KAT6B: variants seen among roughly 807,000 people sequenced by gnomAD.
The protein encoded by KAT6B is lysine acetyltransferase 6B.
A neutral mutation model predicts 187.5 loss-of-function variants in KAT6B; 10 were observed. That is an observed-to-expected ratio of 0.05 (90% CI 0.03 to 0.09). The LOEUF is 0.09. Ranked by LOEUF, KAT6B falls within the 10% of genes least tolerant of loss-of-function variation. KAT6B has a pLI of 1.00. For synonymous variants in KAT6B, 861 were observed against 926.8 expected, an observed-to-expected ratio of 0.93 and a Z score of 1.29; for missense variants, 1,952 against 2,558.9, an observed-to-expected ratio of 0.76 and a Z score of 5.12.
In KAT6B at chr10:75,030,503, G is replaced by A. The variant is rs370977553; in HGVS notation, c.5679G>A (p.Pro1893=). Residue 1893 remains proline (P), a synonymous_variant, in exon 18 of 18, where the codon CCG becomes CCA. Coordinates refer to ENST00000287239, the MANE Select transcript of KAT6B (RefSeq NM_012330.4). The surrounding 1 kb of genome is among the most constrained non-coding windows in gnomAD (Gnocchi z 4.8). The part of the protein sequence containing the change: ...NLTPPPMNLP[P]PLLQRNMAAS... ...CTCCTCCTCCAATGAATCTGCCGCC[G>A]CCTCTTTTGCAACGGAACATGGCTG... The A allele has an allele frequency of 7.4e-5, 119 of 1,611,086 alleles. 1 individual carries two copies. The highest frequency in any genetic ancestry group is 6.6e-4 in the Middle Eastern group (4 of 6,048).
At chr10:74,882,592 G>A (rs931818875) in intron 3 of KAT6B, among the ~76,000 whole-genome samples, 15 of 152,170 alleles carry the variant, frequency 9.9e-5, no homozygotes, top group Admixed American at 3.3e-4. Context: ...CATGGGCCAC[G>A]TTTTTCCAGA....
intron 13 of KAT6B, among the ~76,000 whole-genome samples, chr10:74,995,868 C>T (rs907626125): frequency 2.6e-5 from 4 of 152,234 alleles, no homozygotes; most frequent in African/African-American, 9.6e-5. Context: ...TGTTAGGACT[C>T]TGTTTGGCTA....
rs751307649 is a variant in KAT6B at position 75,029,041 on chromosome 10, A to G, written c.4217A>G (p.Asp1406Gly). ...GAAAAAGAAGACTCTGCACGTTTGG[A>G]TGATCACGAAGAGGAGGAGGAAGAG... Reference protein sequence around the residue: ...STEKEDSARLDDHEEEEEEDE... With the variant: ...STEKEDSARLGDHEEEEEEDE... Residue 1406 changes from aspartate (D) to glycine (G), a missense_variant, in exon 18 of 18, where the codon GAT becomes GGT. Asp to Gly is a moderately conservative substitution (Grantham distance 94). Transcript: ENST00000287239. This position sits in a 1 kb window ranked among gnomAD's most constrained non-coding sequence, Gnocchi z 6.2. 1.2e-6 allele frequency: 2 copies of G among 1,614,168 alleles called. No individual in the cohort carries two copies. Among genetic ancestry groups the G allele is most frequent in the Non-Finnish European group, 1.7e-6 (2 of 1,180,032 alleles).
At chr10:74,845,650 C>T (rs12268111) in intron 3 of KAT6B, among the ~76,000 whole-genome samples, 3,505 of 151,432 alleles carry the variant, frequency 0.023, 133 homozygotes, top group African/African-American at 0.08. Context: ...GTGTATGCCA[C>T]CATGCCCAGC....
chr10:74,826,938 G>A (rs1840294084), intron 1 of KAT6B, among the ~76,000 whole-genome samples, 153 bp downstream of exon 1: 1 of 150,084 alleles, frequency 6.7e-6, no homozygotes, highest in South Asian at 2.1e-4. Context: ...GCCCCTGAGC[G>A]TGACGGTAGG....
At chr10:74,909,705 T>C (rs1022082719) in intron 3 of KAT6B, among the ~76,000 whole-genome samples, 1 of 152,200 alleles carries the variant, frequency 6.6e-6, no homozygotes, top group Admixed American at 6.5e-5. Flanking sequence ...TTTAGGACCT[T>C]CTTAAGTTCT....
Position 74,843,051 on chromosome 10 carries a change from A to C in KAT6B, c.194A>C (p.Asn65Thr). The C allele has an allele frequency of 6.2e-7, 1 of 1,614,220 alleles. No homozygotes were observed. Among genetic ancestry groups the C allele is most frequent in the Non-Finnish European group, 8.5e-7 (1 of 1,180,034 alleles). Reference sequence around the variant, plus strand: ...GATGGCTCAGTTCTCAAAGTCACCAACAAAGGCCTTGCCTCCTATAAGGAC... The same window carrying C: ...GATGGCTCAGTTCTCAAAGTCACCACCAAAGGCCTTGCCTCCTATAAGGAC... The part of the protein sequence containing the change: ...VQDGSVLKVT[N>T]KGLASYKDPD... Residue 65 changes from asparagine (N) to threonine (T), a missense_variant, in exon 3 of 18, where the codon AAC becomes ACC. By Grantham distance (65) the Asn-to-Thr change is moderately conservative (BLOSUM62 0). Transcript: ENST00000287239.
In KAT6B at chr10:74,969,737, A is replaced by C; in HGVS notation, c.808A>C (p.Lys270Gln). The C allele has an allele frequency of 6.2e-7, 1 of 1,614,074 alleles. No homozygotes were observed. Among genetic ancestry groups the C allele is most frequent in the Non-Finnish European group, 8.5e-7 (1 of 1,179,908 alleles). Residue 270 changes from lysine to glutamine, a missense_variant, in exon 5 of 18, where the codon AAG (lysine) becomes CAG (glutamine). Coordinates refer to ENST00000287239, the MANE Select transcript of KAT6B (RefSeq NM_012330.4). ...CTTAAGGTGGCAGTGCATCGAATGCAAGACATGCAGTGCCTGTAGAGTCCA... is the reference window on the plus strand; with the variant it reads ...CTTAAGGTGGCAGTGCATCGAATGCCAGACATGCAGTGCCTGTAGAGTCCA... ...KALRWQCIEC[K>Q]TCSACRVQGR... is the part of the protein sequence containing the mutation.
rs1050739218 is a variant in KAT6B, at chr10:75,016,895, C to T, written c.2630-3687C>T. Among the ~76,000 whole-genome samples the T allele has an allele frequency of 1.1e-4, 13 of 121,534 alleles. No homozygotes were observed. In the East Asian group the frequency reaches 3.3e-3, roughly 31 times the overall value. 79.7% of individuals were successfully genotyped at this position (121,534 alleles called of 152,430 possible). ...TTTTTTTTTTTGAGATGGAGTTTCA[C>T]TCTTGTTGCCCAGGCTGGAGTGCAA... On this transcript the variant is annotated intron_variant, in intron 13 of 17. Transcript: ENST00000287239.
chr10:74,955,391 C>G lies in KAT6B; in HGVS notation c.622-4579C>G, dbSNP rs889875459. ...AAAGGGACACAATTTTATCCCCCCC[C>G]CCCCAACTTTTTGTTTGGAAAAGTT... On this transcript the variant is annotated intron_variant, in intron 3 of 17. Coordinates refer to ENST00000287239, the MANE Select transcript of KAT6B (RefSeq NM_012330.4). Among the ~76,000 whole-genome samples, 24 of 146,716 alleles carry G rather than the reference C, an allele frequency of 1.6e-4. 2 individuals are homozygous for G. Among genetic ancestry groups the G allele is most frequent in the African/African-American group, 4.8e-4 (19 of 39,876 alleles).
At chr10:74,900,594 A>G (rs1419647901) in intron 3 of KAT6B, among the ~76,000 whole-genome samples, 2 of 152,234 alleles carry the variant, frequency 1.3e-5, no homozygotes, top group Non-Finnish European at 2.9e-5. Context: ...CACCCAGGTC[A>G]TGAGGACTGT....
At chr10:74,949,678 G>T (rs58499280) in intron 3 of KAT6B, among the ~76,000 whole-genome samples, 46,880 of 151,832 alleles carry the variant, frequency 0.31, 13,020 homozygotes, top group African/African-American at 0.73. Flanking sequence ...TCCTTCTCTC[G>T]TCTTACTCCG....
intron 7 of KAT6B, among the ~76,000 whole-genome samples, chr10:74,975,140 A>G (rs1842071350): frequency 6.6e-6 from 1 of 152,086 alleles, no homozygotes. Flanking sequence ...TCTCTTCAGC[A>G]TTTTTCTTGC....
chr10:74,897,533 C>T (rs894839294), intron 3 of KAT6B, among the ~76,000 whole-genome samples: 7 of 152,206 alleles, frequency 4.6e-5, no homozygotes, highest in Middle Eastern at 3.2e-3. Context: ...TTAAACTTTA[C>T]GGGCAGAGAA....
At chr10:74,945,639 G>A (rs1427876795) in intron 3 of KAT6B, among the ~76,000 whole-genome samples, 2 of 151,950 alleles carry the variant, frequency 1.3e-5, no homozygotes, top group African/African-American at 4.8e-5. Flanking sequence ...TAATAGAGAC[G>A]GGGTCTCACC....
chr10:75,021,915 A>G lies in KAT6B; in HGVS notation c.3056A>G (p.Glu1019Gly), dbSNP rs1238391914. The G allele has an allele frequency of 2.5e-6, 4 of 1,614,022 alleles. No individual in the cohort carries two copies. In the African/African-American group the frequency reaches 4.0e-5, roughly 16 times the overall value. ...ERLMEQASCW[E>G]KEEQEILSTR... ...CTAATGGAACAAGCTAGCTGCTGGG[A>G]GAAGGAGGAACAAGAAATCCTGTCA... The change falls in exon 16 of 18, where the codon GAG becomes GGG. Residue 1019 changes from glutamate (E) to glycine (G), a missense_variant. By Grantham distance (98) the Glu-to-Gly change is moderately conservative (BLOSUM62 -2). This residue lies in a region of KAT6B where 758 missense variants were observed against 891.4 expected (regional missense o/e 0.85). Transcript: ENST00000287239.
chr10:74,975,783 TACC>T lies in KAT6B; in HGVS notation c.1449_1451del (p.Thr484del), dbSNP rs766029987. On this transcript the variant is annotated inframe_deletion, in exon 8 of 18. Transcript: ENST00000287239. ...GCACTTCTCATGTGTTGGCTACAGG[TACC>T]ACACAAAAGCTAAAACCTCCACCTT... is the stretch of plus-strand genomic sequence containing the variant. 6 of 1,614,136 alleles carry T rather than the reference TACC, an allele frequency of 3.7e-6. No individual in the cohort carries two copies. Among genetic ancestry groups the T allele is most frequent in the Middle Eastern group, 3.3e-4 (2 of 6,062 alleles).
intron 3 of KAT6B, among the ~76,000 whole-genome samples, chr10:74,926,459 A>G (rs1027596150): frequency 6.6e-6 from 1 of 152,228 alleles, no homozygotes; most frequent in Non-Finnish European, 1.5e-5. Flanking sequence ...GTCTCAAAAA[A>G]CAACAACGAC....
intron 4 of KAT6B, among the ~76,000 whole-genome samples, chr10:74,966,671 A>G (rs1354068176): frequency 6.6e-6 from 1 of 152,252 alleles, no homozygotes; most frequent in Non-Finnish European, 1.5e-5. Flanking sequence ...AAAATACAAT[A>G]GTAAAACAAA....
Sources: gnomAD v4.1 joint callset for allele counts (sites outside exome capture counted in the v4.1 genomes callset) on GRCh38, gnomAD v4.1.1 for gene constraint, gnomAD v4.1.1 regional missense constraint, Gnocchi (gnomAD v3.1) non-coding constraint, MANE v1.5 for transcripts, NCBI Gene and HGNC (gene_info 2026-07-23, HGNC 2026-07-21) for gene names.